GLI2: variants seen among roughly 807,000 people sequenced by gnomAD.
GLI2 encodes the protein transcription activator GLI2.
In GLI2, 22 loss-of-function variants were observed where a neutral mutation model predicts 78.9. The ratio of observed to expected loss-of-function variants is 0.28; its 90% CI spans 0.20 to 0.40. The LOEUF (loss-of-function observed/expected upper bound fraction) is 0.40, where lower values mean the gene tolerates loss of function less well. Ranked by LOEUF, GLI2 falls within the 10% of genes least tolerant of loss-of-function variation. The probability of loss-of-function intolerance (pLI) is 1.00; values close to 1 mark genes in which losing one functional copy is unlikely to be tolerated. For missense variants in GLI2, 2,097 were observed against 2,213.2 expected (o/e 0.95, Z 1.05); for synonymous variants, 974 against 963.7 (o/e 1.01, Z -0.20).
intron 4 of GLI2, among the ~76,000 whole-genome samples, chr2:120,954,805 C>T (rs4848661): frequency 0.79 from 119,886 of 152,162 alleles, 52,078 homozygotes; most frequent in East Asian, 1. Context: ...CCTGGCGCCC[C>T]GGCAGCGATC....
intron 6 of GLI2, among the ~76,000 whole-genome samples, chr2:120,970,186 G>A (rs1053129094): frequency 6.6e-6 from 1 of 152,114 alleles, no homozygotes; most frequent in African/African-American, 2.4e-5. Context: ...TACATCCTGG[G>A]GCAGAACCTG....
At chr2:120,857,995 G>A (rs1687741644) in intron 2 of GLI2, among the ~76,000 whole-genome samples, 1 of 152,200 alleles carries the variant, frequency 6.6e-6, no homozygotes, top group South Asian at 2.1e-4. Context: ...CATCTTTTGT[G>A]GGTCGATGGA....
chr2:120,950,998 G>A (rs1437093306), intron 3 of GLI2, among the ~76,000 whole-genome samples: 4 of 152,258 alleles, frequency 2.6e-5, no homozygotes, highest in Non-Finnish European at 4.4e-5. Flanking sequence ...ATTCTCCAGC[G>A]TGGAACTGGC....
intron 2 of GLI2, among the ~76,000 whole-genome samples, chr2:120,828,466 A>G (rs1686194375): frequency 6.6e-6 from 1 of 152,256 alleles, no homozygotes; most frequent in Non-Finnish European, 1.5e-5. Flanking sequence ...AAAATCCAGC[A>G]TAAGCTTATT....
intron 2 of GLI2, among the ~76,000 whole-genome samples, chr2:120,803,282 T>G (rs1684785611): frequency 6.6e-6 from 1 of 152,240 alleles, no homozygotes; most frequent in Admixed American, 6.5e-5. Context: ...GCCTCACTTT[T>G]CTCATCTATA....
In GLI2 at chr2:120,922,576, A is replaced by G. The variant is rs542577403; in HGVS notation, c.149-4785A>G. Among the ~76,000 whole-genome samples, 370 of 152,262 alleles carry G rather than the reference A, an allele frequency of 2.4e-3. 1 individual carries two copies. The highest frequency in any genetic ancestry group is 8.3e-3 in the African/African-American group (344 of 41,552). On this transcript the variant is annotated intron_variant, in intron 2 of 13. Coordinates refer to ENST00000361492, the MANE Select transcript of GLI2 (RefSeq NM_001374353.1). ...TGATGTTCTTTCCTGAAAAATGGGA[A>G]TAAGAACAAGGTTAATGGTAAAACT...
At chr2:120,947,731 T>C (rs965086706) in intron 3 of GLI2, among the ~76,000 whole-genome samples, 12 of 152,242 alleles carry the variant, frequency 7.9e-5, no homozygotes, top group African/African-American at 2.9e-4. Context: ...AGCAGCATTC[T>C]GGCTGAGGCT....
intron 4 of GLI2, among the ~76,000 whole-genome samples, chr2:120,953,912 C>G (rs143357130): frequency 2.0e-5 from 3 of 152,034 alleles, no homozygotes; most frequent in Admixed American, 6.5e-5. Flanking sequence ...GGAGGAGAGG[C>G]CTTCGACGGA....
intron 2 of GLI2, among the ~76,000 whole-genome samples, chr2:120,896,659 ACATACACCCACCC>A (rs1039494686): frequency 8.0e-4 from 24 of 29,892 alleles, no homozygotes; most frequent in African/African-American, 3.5e-3. Flanking sequence ...ACACACACAC[ACATACACCCACCC>A]CCCCACACAC....
chr2:120,881,100 C>G (rs1456246181), intron 2 of GLI2, among the ~76,000 whole-genome samples: 1 of 152,196 alleles, frequency 6.6e-6, no homozygotes, highest in African/African-American at 2.4e-5. Flanking sequence ...GCAAATTTAT[C>G]TAAAGCACCT....
rs55697602 is a variant in GLI2 at position 120,753,093 on chromosome 2, A to ATTT, written c.-31+16825_-31+16827dup. Among the ~76,000 whole-genome samples, 80 of 111,850 alleles carry ATTT rather than the reference A, an allele frequency of 7.2e-4. 2 individuals carry two copies. Among genetic ancestry groups the ATTT allele is most frequent in the African/African-American group, 1.5e-3 (45 of 29,370 alleles). The allele number at this position is 111,850 out of a possible 152,430, so 73.4% of individuals were successfully genotyped here. On this transcript the variant is annotated intron_variant, in intron 1 of 13. Coordinates refer to ENST00000361492, the MANE Select transcript of GLI2 (RefSeq NM_001374353.1). Reference sequence around the variant, plus strand: ...GTGGGTGTTTTTTTTTTCTGTACGTATTTTTTTTTTTTTTTTTTTGAGACA... The same window carrying ATTT: ...GTGGGTGTTTTTTTTTTCTGTACGTATTTTTTTTTTTTTTTTTTTTTTGAGACA...
rs527536757 is a variant in GLI2, at chr2:120,766,964, C to T, written c.-30-30327C>T. 1.2e-4 allele frequency among the ~76,000 whole-genome samples: 18 copies of T among 152,266 alleles called. No individual in the cohort carries two copies. The East Asian group carries it at 2.3e-3, about 20-fold the overall frequency. ...GCAGCTGGAGAGAGGCTGGGGAAAC[C>T]GACAGGCCACACCTGTAGGAATGTG... On this transcript the variant is annotated intron_variant, in intron 1 of 13. Transcript: ENST00000361492.
chr2:120,752,518 C>G (rs1329928808), intron 1 of GLI2, among the ~76,000 whole-genome samples: 1 of 152,176 alleles, frequency 6.6e-6, no homozygotes, highest in African/African-American at 2.4e-5. Context: ...ATCCGCCCAC[C>G]TCGGCCTCCT....
intron 3 of GLI2, among the ~76,000 whole-genome samples, chr2:120,941,738 A>AGCTCCTC (rs2104918184): frequency 6.6e-6 from 1 of 152,270 alleles, no homozygotes; most frequent in East Asian, 1.9e-4. Context: ...AGCTCCGTGG[A>AGCTCCTC]CCCACCCATG....
chr2:120,756,928 T>A (rs1469332187), intron 1 of GLI2, among the ~76,000 whole-genome samples: 6 of 152,228 alleles, frequency 3.9e-5, no homozygotes, highest in African/African-American at 7.2e-5. Flanking sequence ...ACAGCTCATA[T>A]GCTCTTTTTT....
intron 5 of GLI2, among the ~76,000 whole-genome samples, chr2:120,966,225 A>C (rs1307612366): frequency 1.3e-5 from 2 of 152,090 alleles, no homozygotes; most frequent in Non-Finnish European, 1.5e-5. Flanking sequence ...CTCCCCATCC[A>C]TCATCCCACT....
intron 1 of GLI2, among the ~76,000 whole-genome samples, chr2:120,759,425 TC>T (rs1276194403): frequency 6.6e-6 from 1 of 152,204 alleles, no homozygotes; most frequent in Non-Finnish European, 1.5e-5. Context: ...AAATCTGGGT[TC>T]CCATGCCGCC....
At chr2:120,810,170 C>T (rs1685170654) in intron 2 of GLI2, among the ~76,000 whole-genome samples, 1 of 152,240 alleles carries the variant, frequency 6.6e-6, no homozygotes, top group South Asian at 2.1e-4. Context: ...GCCAGAGTGG[C>T]TTCAGGGGCC....
intron 2 of GLI2, among the ~76,000 whole-genome samples, chr2:120,895,919 C>T (rs1677919728): frequency 2.0e-5 from 3 of 152,128 alleles, no homozygotes; most frequent in African/African-American, 7.2e-5. Flanking sequence ...TTGCAAAGGG[C>T]TCTGAAGTCA....
Sources: allele counts gnomAD v4.1 joint callset (sites outside exome capture counted in the v4.1 genomes callset), GRCh38; gene constraint gnomAD v4.1.1; transcripts MANE v1.5; gene names NCBI Gene and HGNC (gene_info 2026-07-23, HGNC 2026-07-21).